Variants in RAPGEF4 observed in about 807,000 individuals in gnomAD.
RAPGEF4 encodes Rap guanine nucleotide exchange factor 4.
RAPGEF4 carries 66 observed loss-of-function variants against 147.9 expected under a neutral mutation model. The observed-to-expected ratio is 0.45, with a 90% confidence interval of 0.37 to 0.55. The LOEUF (loss-of-function observed/expected upper bound fraction) is 0.55. RAPGEF4 is among the 20% of genes least tolerant of loss of function. RAPGEF4 has a pLI of 0.00. For missense variants in RAPGEF4, 1,071 were observed against 1,257.3 expected, an observed-to-expected ratio of 0.85 and a Z score of 2.24; for synonymous variants, 419 against 442.7, an observed-to-expected ratio of 0.95 and a Z score of 0.67.
At chr2:173,013,089 CA>C (rs1695178158) in intron 17 of RAPGEF4, among the ~76,000 whole-genome samples, 1 of 152,206 alleles carries the variant, frequency 6.6e-6, no homozygotes, top group Non-Finnish European at 1.5e-5. Flanking sequence ...AGCCATTTTG[CA>C]ACCCATTTAC....
rs752045959 is a variant in RAPGEF4 at position 172,985,444 on chromosome 2, G to A, written c.1101G>A (p.Glu367=). Residue 367 remains glutamate, a synonymous_variant, in exon 12 of 31, where the codon GAG becomes GAA. Coordinates refer to ENST00000397081, the MANE Select transcript of RAPGEF4 (RefSeq NM_007023.4). The part of the protein sequence containing the change: ...LSHLSTTVKR[E]LAGVLIFESH... Reference sequence around the variant, plus strand: ...TGTTTTTCTTCTAGGTGAAACGAGAGTTAGCAGGTGTTCTCATTTTTGAGT... The same window carrying A: ...TGTTTTTCTTCTAGGTGAAACGAGAATTAGCAGGTGTTCTCATTTTTGAGT... 6.2e-6 allele frequency: 10 copies of A among 1,613,920 alleles called. No individual in the cohort carries two copies. In the South Asian group the frequency reaches 9.9e-5, roughly 16 times the overall value.
intron 4 of RAPGEF4, among the ~76,000 whole-genome samples, chr2:172,856,169 G>T (rs751267960): frequency 2.0e-5 from 3 of 152,080 alleles, no homozygotes; most frequent in African/African-American, 7.2e-5. Flanking sequence ...CTGTTCTTCA[G>T]ATTGGTTAAT....
At chr2:172,916,358 AGTCACAAAAC>A in intron 4 of RAPGEF4, among the ~76,000 whole-genome samples, 1 of 152,290 alleles carries the variant, frequency 6.6e-6, no homozygotes, top group East Asian at 1.9e-4. Context: ...GGTAATCAGG[AGTCACAAAAC>A]CTTACAACAT....
intron 1 of RAPGEF4, among the ~76,000 whole-genome samples, chr2:172,793,900 C>T (rs947253634): frequency 6.6e-6 from 1 of 152,064 alleles, no homozygotes; most frequent in African/African-American, 2.4e-5. Context: ...CTTTGGGAGG[C>T]TGAGGCGGGA....
At chr2:172,938,325 G>T (rs1355495395) in intron 6 of RAPGEF4, among the ~76,000 whole-genome samples, 1 of 151,820 alleles carries the variant, frequency 6.6e-6, no homozygotes, top group South Asian at 2.1e-4. Flanking sequence ...CACATGGATC[G>T]TTCTAGTCCT....
intron 17 of RAPGEF4, among the ~76,000 whole-genome samples, chr2:173,009,135 A>C (rs1379538200): frequency 6.6e-6 from 1 of 152,234 alleles, no homozygotes; most frequent in East Asian, 1.9e-4. Flanking sequence ...TATTTAAAAG[A>C]TGTACCAGAT....
intron 1 of RAPGEF4, among the ~76,000 whole-genome samples, chr2:172,769,933 G>T (rs529477222): frequency 6.6e-6 from 1 of 152,086 alleles, no homozygotes; most frequent in African/African-American, 2.4e-5. Flanking sequence ...CAAAAATACT[G>T]TTTAGGGATG....
intron 1 of RAPGEF4, among the ~76,000 whole-genome samples, chr2:172,787,574 CTGTT>C (rs1003876696): frequency 8.7e-4 from 131 of 150,094 alleles, no homozygotes; most frequent in African/African-American, 3.1e-3. Context: ...ATGAAGGTGA[CTGTT>C]TGGGCTGCTA....
At chr2:172,810,181 C>G (rs556438305) in intron 3 of RAPGEF4, among the ~76,000 whole-genome samples, 1 of 152,200 alleles carries the variant, frequency 6.6e-6, no homozygotes, top group Non-Finnish European at 1.5e-5. Context: ...AGCTCTTCTA[C>G]TTACTAGCCA....
chr2:172,916,146 C>T (rs996809477), intron 4 of RAPGEF4, among the ~76,000 whole-genome samples: 3 of 152,166 alleles, frequency 2.0e-5, no homozygotes, highest in Non-Finnish European at 2.9e-5. Flanking sequence ...AGACCAGGTG[C>T]TATGGGGCTT....
chr2:173,031,707 C>T (rs1350380807), intron 26 of RAPGEF4, among the ~76,000 whole-genome samples: 1 of 152,192 alleles, frequency 6.6e-6, no homozygotes, highest in Non-Finnish European at 1.5e-5. Context: ...AGATAGCTAA[C>T]TGGCCAGTCC....
chr2:172,989,253 C>T (rs1297823256), intron 14 of RAPGEF4, among the ~76,000 whole-genome samples: 1 of 152,188 alleles, frequency 6.6e-6, no homozygotes, highest in Non-Finnish European at 1.5e-5. Flanking sequence ...CTAGACCTTC[C>T]TAGTTTCCAC....
At chr2:172,876,327 A>G (rs533240554) in intron 4 of RAPGEF4, among the ~76,000 whole-genome samples, 3 of 152,226 alleles carry the variant, frequency 2.0e-5, no homozygotes, top group South Asian at 4.1e-4. Flanking sequence ...GTCTTGTGCC[A>G]GTTTTCAAAG....
chr2:172,813,969 G>A (rs1003804012), intron 3 of RAPGEF4, among the ~76,000 whole-genome samples: 2 of 152,156 alleles, frequency 1.3e-5, no homozygotes, highest in African/African-American at 4.8e-5. Flanking sequence ...GGCACAAACC[G>A]GAGAATATCG....
intron 6 of RAPGEF4, among the ~76,000 whole-genome samples, chr2:172,931,188 T>TGGGGGGGGGGGGG (rs1575283791): frequency 3.3e-3 from 5 of 1,512 alleles, no homozygotes; most frequent in African/African-American, 7.0e-3. Flanking sequence ...GGGGGGGCGC[T>TGGGGGGGGGGGGG]GGGGGGCGGG....
intron 4 of RAPGEF4, among the ~76,000 whole-genome samples, chr2:172,895,073 G>A (rs1235321581): frequency 1.3e-5 from 2 of 152,074 alleles, no homozygotes; most frequent in Non-Finnish European, 2.9e-5. Flanking sequence ...GGAGCGATTT[G>A]TTGTTACTTT....
chr2:172,797,342 G>C (rs1013225308), intron 2 of RAPGEF4, among the ~76,000 whole-genome samples, 183 bp from the exon 3 acceptor site: 3 of 152,166 alleles, frequency 2.0e-5, no homozygotes, highest in African/African-American at 7.2e-5. Context: ...GAATAAATAG[G>C]ATATAGCTTT....
At chr2:172,850,348 T>A (rs1217250540) in intron 4 of RAPGEF4, among the ~76,000 whole-genome samples, 1 of 152,190 alleles carries the variant, frequency 6.6e-6, no homozygotes, top group Non-Finnish European at 1.5e-5. Flanking sequence ...CCAGGCGTGG[T>A]GGCTCATGCC....
chr2:172,832,172 G>T (rs947366273), intron 4 of RAPGEF4, among the ~76,000 whole-genome samples: 3 of 152,162 alleles, frequency 2.0e-5, no homozygotes, highest in Non-Finnish European at 4.4e-5. Flanking sequence ...TCTTTTGGTT[G>T]CCGGTTCCCT....
Sources: gnomAD v4.1 joint callset for allele counts (sites outside exome capture counted in the v4.1 genomes callset) on GRCh38, gnomAD v4.1.1 for gene constraint, MANE v1.5 for transcripts, NCBI Gene and HGNC (gene_info 2026-07-23, HGNC 2026-07-21) for gene names.